The following FHIT variants were observed in gnomAD, a reference collection of about 807,000 sequenced individuals.
The protein encoded by FHIT is fragile histidine triad diadenosine triphosphatase.
Under a neutral mutation model 17.9 loss-of-function variants are expected in FHIT, and 19 were observed. That is an observed-to-expected ratio of 1.06 (90% CI 0.74 to 1.56). FHIT has a LOEUF of 1.56. Ranked by LOEUF, FHIT falls within the 40% of genes most tolerant of loss-of-function variation. FHIT has a pLI of 0.00. For synonymous variants in FHIT, 81 were observed against 69.7 expected, an observed-to-expected ratio of 1.16 and a Z score of -0.81; for missense variants, 248 against 189.2, an observed-to-expected ratio of 1.31 and a Z score of -1.82.
chr3:60,049,770 A>T (rs1353087374), intron 5 of FHIT, among the ~76,000 whole-genome samples: 2 of 152,212 alleles, frequency 1.3e-5, no homozygotes, highest in Non-Finnish European at 2.9e-5. Context: ...GGTTCACATT[A>T]TACTTCTACC....
At chr3:60,923,710 T>G (rs1487388479) in intron 3 of FHIT, among the ~76,000 whole-genome samples, 2 of 151,780 alleles carry the variant, frequency 1.3e-5, no homozygotes, top group Non-Finnish European at 2.9e-5. Flanking sequence ...GGACAGTGGG[T>G]GCAGGATAGT....
chr3:61,227,841 T>C (rs761840944), intron 1 of FHIT, among the ~76,000 whole-genome samples: 4 of 152,204 alleles, frequency 2.6e-5, no homozygotes, highest in Non-Finnish European at 4.4e-5. Flanking sequence ...GATTATTTTC[T>C]TTCCAAACTC....
intron 5 of FHIT, among the ~76,000 whole-genome samples, chr3:60,432,130 C>T (rs1702933042): frequency 6.6e-6 from 1 of 152,068 alleles, no homozygotes; most frequent in African/African-American, 2.4e-5. Context: ...TACATGCCAC[C>T]ATGCCCAGCT....
intron 4 of FHIT, among the ~76,000 whole-genome samples, chr3:60,626,808 T>A (rs2039302229): frequency 1.6e-5 from 2 of 123,662 alleles, no homozygotes; most frequent in African/African-American, 5.6e-5. Context: ...TTTTTTACGT[T>A]AAGTATGATA....
chr3:59,964,288 AT>A (rs1168444299), intron 7 of FHIT, among the ~76,000 whole-genome samples: 1 of 152,150 alleles, frequency 6.6e-6, no homozygotes, highest in Admixed American at 6.5e-5. Context: ...TTAGCTTGAA[AT>A]TTGGGTGTAT....
At chr3:60,516,426 T>C (rs745939028) in intron 5 of FHIT, among the ~76,000 whole-genome samples, 1 of 152,170 alleles carries the variant, frequency 6.6e-6, no homozygotes, top group Non-Finnish European at 1.5e-5. Context: ...TGGCCTCATA[T>C]AGACATATAG....
chr3:60,256,238 GT>G (rs1705986240), intron 5 of FHIT, among the ~76,000 whole-genome samples: 1 of 152,112 alleles, frequency 6.6e-6, no homozygotes, highest in Non-Finnish European at 1.5e-5. Flanking sequence ...TTAAGAACTG[GT>G]GCCTCTTCCT....
chr3:60,665,256 T>A (rs2040354750), intron 4 of FHIT, among the ~76,000 whole-genome samples: 1 of 152,082 alleles, frequency 6.6e-6, no homozygotes. Context: ...TCTGCTGTTG[T>A]TGGATGGAGT....
At chr3:60,474,012 T>C (rs1266028853) in intron 5 of FHIT, among the ~76,000 whole-genome samples, 1 of 152,124 alleles carries the variant, frequency 6.6e-6, no homozygotes, top group East Asian at 1.9e-4. Context: ...TGGAAACATT[T>C]AAAGAACCTC....
At chr3:60,942,966 T>G (rs1708485404) in intron 3 of FHIT, among the ~76,000 whole-genome samples, 1 of 152,284 alleles carries the variant, frequency 6.6e-6, no homozygotes, top group Non-Finnish European at 1.5e-5. Flanking sequence ...ATGTATAAAG[T>G]TTTGAAAAGT....
chr3:60,065,661 G>C (rs1454724572), intron 5 of FHIT, among the ~76,000 whole-genome samples: 1 of 152,152 alleles, frequency 6.6e-6, no homozygotes, highest in African/African-American at 2.4e-5. Context: ...TCAGTCTATT[G>C]AGTTTTTATT....
chr3:60,179,413 C>T (rs983416094), intron 5 of FHIT, among the ~76,000 whole-genome samples: 2 of 152,296 alleles, frequency 1.3e-5, no homozygotes. Context: ...TGTGTGACAT[C>T]ACAATATTGT....
intron 7 of FHIT, among the ~76,000 whole-genome samples, chr3:59,998,322 C>T (rs935422565): frequency 3.3e-5 from 5 of 151,862 alleles, no homozygotes; most frequent in African/African-American, 7.3e-5. Flanking sequence ...CCAGGCAGCC[C>T]GACTTCAGGT....
chr3:59,837,212 C>G (rs563577618), intron 8 of FHIT, among the ~76,000 whole-genome samples: 168 of 152,214 alleles, frequency 1.1e-3, no homozygotes, highest in South Asian at 5.4e-3. Context: ...TGAACCAATA[C>G]AGTCATCCCT....
At chr3:60,654,216 C>A (rs1026146297) in intron 4 of FHIT, among the ~76,000 whole-genome samples, 6 of 152,172 alleles carry the variant, frequency 3.9e-5, no homozygotes, top group African/African-American at 1.4e-4. Context: ...GCCAATTAAA[C>A]CTCTTTTCTT....
rs534590603 is a variant in FHIT, at chr3:60,867,518, G to T, written c.-110-45507C>A. ...TTATGCAGGAACAAAGTCTTCAGAA[G>T]GTTTAACTATGGCAGATACTATTAC... is the stretch of plus-strand genomic sequence containing the variant. On this transcript the variant is annotated intron_variant, in intron 3 of 9. Coordinates refer to ENST00000492590, the MANE Select transcript of FHIT (RefSeq NM_002012.4). Among the ~76,000 whole-genome samples the T allele has an allele frequency of 2.0e-5, 3 of 152,232 alleles. No individual in the cohort carries two copies. The South Asian group carries it at 6.2e-4, about 32-fold the overall frequency.
At chr3:60,445,163 C>A (rs1401677113) in intron 5 of FHIT, among the ~76,000 whole-genome samples, 1 of 151,980 alleles carries the variant, frequency 6.6e-6, no homozygotes, top group East Asian at 1.9e-4. Context: ...CAGAGTAAGA[C>A]AGTTTCCCCG....
intron 5 of FHIT, among the ~76,000 whole-genome samples, chr3:60,467,288 A>G (rs985876599): frequency 6.6e-6 from 1 of 151,762 alleles, no homozygotes; most frequent in Admixed American, 6.6e-5. Flanking sequence ...CTTTTTTCAA[A>G]AAAACAACTT....
intron 7 of FHIT, among the ~76,000 whole-genome samples, chr3:59,954,636 T>C (rs780478025): frequency 7.2e-5 from 11 of 152,164 alleles, no homozygotes; most frequent in African/African-American, 1.2e-4. Context: ...TGGCACATAG[T>C]AGGCACTTGC....
Sources: gnomAD v4.1 joint callset for allele counts (sites outside exome capture counted in the v4.1 genomes callset) on GRCh38, gnomAD v4.1.1 for gene constraint, MANE v1.5 for transcripts, NCBI Gene and HGNC (gene_info 2026-07-23, HGNC 2026-07-21) for gene names.